RAPGEF1: variants seen among roughly 807,000 people sequenced by gnomAD.
RAPGEF1 encodes Rap guanine nucleotide exchange factor 1, also known as CRK SH3-binding GNRP.
In RAPGEF1, 33 loss-of-function variants were observed where a neutral mutation model predicts 143.3. That is an observed-to-expected ratio of 0.23 (90% CI 0.17 to 0.31). RAPGEF1 has a LOEUF of 0.31. Among genes scored for constraint, RAPGEF1 ranks in the 10% least tolerant of loss-of-function variants. RAPGEF1 has a pLI of 1.00. For missense variants in RAPGEF1, 1,199 were observed against 1,645.4 expected, an observed-to-expected ratio of 0.73 and a Z score of 4.69; for synonymous variants, 629 against 676.5, an observed-to-expected ratio of 0.93 and a Z score of 1.09.
intron 1 of RAPGEF1, among the ~76,000 whole-genome samples, chr9:131,668,676 T>C (rs1219718514): frequency 6.6e-6 from 1 of 152,202 alleles, no homozygotes; most frequent in African/African-American, 2.4e-5. Context: ...TCTTTTCCAT[T>C]ACTGTTAGGC....
rs1964121111 is a variant in RAPGEF1 at position 131,629,035 on chromosome 9, C to T, written c.893+67G>A. On this transcript the variant is annotated intron_variant, in intron 7 of 26. Transcript: ENST00000683357. ...CAGCGCTGAGGGGAAAGGGCCCGAG[C>T]CCTGTCTTCCTCCCTTTCTTTCTCA... is the stretch of plus-strand genomic sequence containing the variant. 5 of 1,557,784 alleles carry T rather than the reference C, an allele frequency of 3.2e-6. No individual in the cohort carries two copies. In the South Asian group the frequency reaches 4.9e-5, roughly 15 times the overall value.
At chr9:131,614,130 G>A (rs1409594911) in intron 12 of RAPGEF1, among the ~76,000 whole-genome samples, 1 of 134,214 alleles carries the variant, frequency 7.5e-6, no homozygotes, top group Non-Finnish European at 1.7e-5. Flanking sequence ...AGACCAGTGT[G>A]TGCACCAACA....
intron 1 of RAPGEF1, among the ~76,000 whole-genome samples, chr9:131,713,001 C>G (rs1835615922): frequency 6.6e-6 from 1 of 152,124 alleles, no homozygotes; most frequent in African/African-American, 2.4e-5. Flanking sequence ...AGAGCCATCC[C>G]CAAAGACCAA....
chr9:131,705,076 A>C (rs1834949815), intron 1 of RAPGEF1, among the ~76,000 whole-genome samples: 1 of 152,234 alleles, frequency 6.6e-6, no homozygotes, highest in East Asian at 1.9e-4. Flanking sequence ...TTAAAGGCTA[A>C]GAATGAACAT....
chr9:131,612,626 C>A (rs188074879), intron 12 of RAPGEF1, among the ~76,000 whole-genome samples: 1 of 152,258 alleles, frequency 6.6e-6, no homozygotes, highest in Non-Finnish European at 1.5e-5. Context: ...GGTGGCTCTA[C>A]GTTATCCCGA....
intron 25 of RAPGEF1, 47 bp downstream of exon 25, chr9:131,582,558 G>A (rs757057511): frequency 7.4e-7 from 1 of 1,360,384 alleles, no homozygotes. Flanking sequence ...CAGAGCAATG[G>A]AGGCAAACCC....
intron 5 of RAPGEF1, among the ~76,000 whole-genome samples, chr9:131,635,954 G>A (rs1428134452): frequency 2.6e-5 from 4 of 152,204 alleles, no homozygotes; most frequent in Non-Finnish European, 4.4e-5. Context: ...AAATGCCAGC[G>A]TCACAGTGTC....
intron 1 of RAPGEF1, chr9:131,725,141 G>GTA (rs1204001296): frequency 6.6e-6 from 1 of 152,164 alleles, no homozygotes; most frequent in Non-Finnish European, 1.5e-5. Flanking sequence ...ATGTATGTAC[G>GTA]TATATATATG....
intron 9 of RAPGEF1, among the ~76,000 whole-genome samples, chr9:131,626,919 G>A (rs1038421046): frequency 3.3e-5 from 5 of 152,156 alleles, no homozygotes; most frequent in Non-Finnish European, 7.3e-5. Flanking sequence ...TGGCCAATGT[G>A]GCAAAACCCC....
At position 131,576,852 on chromosome 9, in the gene RAPGEF1, A is replaced by G. The variant is rs1265536512; in HGVS notation, c.*2645T>C. The G allele has an allele frequency of 6.6e-6, 1 of 152,220 alleles. No individual in the cohort carries two copies. Among genetic ancestry groups the G allele is most frequent in the Non-Finnish European group, 1.5e-5 (1 of 68,040 alleles). The allele number at this position is 152,220 out of a possible 1,614,324, so 9.4% of individuals were successfully genotyped here. A position where few individuals can be genotyped will look rare whatever the true frequency, so the allele number is the denominator to read the frequency against. The stretch of plus-strand genomic sequence containing the variant: ...GAAATGTCTGCAGGAAGATGCCACC[A>G]TCAGACAGGTTAGCTGGGGCATATA... On this transcript the variant is annotated 3_prime_UTR_variant, in exon 27 of 27. Transcript: ENST00000683357.
At position 131,584,507 on chromosome 9, in the gene RAPGEF1, G is replaced by A. The variant is rs970207385; in HGVS notation, c.3312+11C>T. On this transcript the variant is annotated intron_variant, in intron 23 of 26. Transcript: ENST00000683357. The surrounding 1 kb of genome is among the most constrained non-coding windows in gnomAD (Gnocchi z 6.8). The stretch of plus-strand genomic sequence containing the variant: ...ATGATGGGGGCCTGGGAAGGACTTG[G>A]CCACCATTACCTTCATGATCTTGAT... 4 of 1,613,966 alleles carry A rather than the reference G, an allele frequency of 2.5e-6. No individual in the cohort carries two copies. Among genetic ancestry groups the A allele is most frequent in the South Asian group, 2.2e-5 (2 of 91,082 alleles).
Position 131,680,322 on chromosome 9 carries a change from C to T in RAPGEF1, c.62-29373G>A, listed in dbSNP as rs563325089. The stretch of plus-strand genomic sequence containing the variant: ...GCCTCATCCACATTATTAAGCCTGG[C>T]TCTGCTCTTTTTTCATCAGCCTGTC... On this transcript the variant is annotated intron_variant, in intron 1 of 26. Transcript: ENST00000683357. Among the ~76,000 whole-genome samples the T allele has an allele frequency of 1.5e-3, 225 of 152,326 alleles. 2 individuals are homozygous for T. The highest frequency in any genetic ancestry group is 2.7e-3 in the Non-Finnish European group (186 of 68,032).
At chr9:131,582,827 C>T (rs1952078311) in intron 24 of RAPGEF1, 125 bp from the exon 25 acceptor site, 1 of 739,098 alleles carries the variant, frequency 1.4e-6, no homozygotes, top group Non-Finnish European at 2.1e-6. Flanking sequence ...TCCACAGGTC[C>T]CACTACGCAC....
rs1951295570 is a variant in RAPGEF1 at position 131,577,012 on chromosome 9, A to C, written c.*2485T>G. ...CCCCGACACCTGCAGGTGAGGACTGACCTCTGCAAGGAACGAGTCCTCCGC... is the reference window on the plus strand; with the variant it reads ...CCCCGACACCTGCAGGTGAGGACTGCCCTCTGCAAGGAACGAGTCCTCCGC... On this transcript the variant is annotated 3_prime_UTR_variant, in exon 27 of 27. Transcript: ENST00000683357. The C allele has an allele frequency of 6.9e-6, 1 of 145,168 alleles. No homozygotes were observed. Among genetic ancestry groups the C allele is most frequent in the Non-Finnish European group, 1.5e-5 (1 of 66,172 alleles). 9.0% of individuals were successfully genotyped at this position (145,168 alleles called of 1,614,324 possible). A position where few individuals can be genotyped will look rare whatever the true frequency, so the allele number is the denominator to read the frequency against.
chr9:131,657,820 TATC>T (rs1972896132), intron 1 of RAPGEF1, among the ~76,000 whole-genome samples: 3 of 152,340 alleles, frequency 2.0e-5, no homozygotes, highest in South Asian at 4.1e-4. Context: ...CTTTCAGACT[TATC>T]ATCCCTTACT....
chr9:131,586,092 T>C (rs751501572), intron 22 of RAPGEF1, among the ~76,000 whole-genome samples: 45 of 152,024 alleles, frequency 3.0e-4, no homozygotes, highest in Non-Finnish European at 5.1e-4. Flanking sequence ...GGCAGGAGAA[T>C]GGCGTGAACC....
intron 17 of RAPGEF1, 113 bp downstream of exon 17, chr9:131,596,185 G>C (rs537014560): frequency 5.1e-6 from 5 of 971,596 alleles, no homozygotes; most frequent in Admixed American, 2.0e-5. Context: ...CAGGACTGCT[G>C]ATCAGACCTG....
intron 1 of RAPGEF1, among the ~76,000 whole-genome samples, chr9:131,651,787 T>C (rs1971140399): frequency 2.0e-5 from 3 of 152,212 alleles, no homozygotes; most frequent in African/African-American, 7.2e-5. Context: ...AATGCATCAT[T>C]AGGCAACTTC....
In RAPGEF1 at chr9:131,641,266, G is replaced by A. The variant is rs538977589; in HGVS notation, c.494+1973C>T. Reference sequence around the variant, plus strand: ...GCCTGAGGGTGCAGGGTGATCAGTCGCCTCTTCCCACTGTTCCCCTCTCGT... The same window carrying A: ...GCCTGAGGGTGCAGGGTGATCAGTCACCTCTTCCCACTGTTCCCCTCTCGT... On this transcript the variant is annotated intron_variant, in intron 4 of 26. Coordinates refer to ENST00000683357, the MANE Select transcript of RAPGEF1 (RefSeq NM_001377935.1). The surrounding 1 kb of genome is among the most constrained non-coding windows in gnomAD (Gnocchi z 4.6). Among the ~76,000 whole-genome samples, 21 of 152,218 alleles carry A rather than the reference G, an allele frequency of 1.4e-4. No individual in the cohort carries two copies. Among genetic ancestry groups the A allele is most frequent in the African/African-American group, 3.9e-4 (16 of 41,534 alleles).
Sources: gnomAD v4.1 joint callset for allele counts (sites outside exome capture counted in the v4.1 genomes callset) on GRCh38, gnomAD v4.1.1 for gene constraint, Gnocchi (gnomAD v3.1) non-coding constraint, MANE v1.5 for transcripts, NCBI Gene and HGNC (gene_info 2026-07-23, HGNC 2026-07-21) for gene names.